PGCKA1: variants seen among roughly 807,000 people sequenced by gnomAD.
PGCKA1 encodes the protein PDCD10 and GCKIII kinases associated 1.
At chr4:37,503,207 C>T in the PGCKA1 span, among the ~76,000 whole-genome samples, 346 of 152,306 alleles carry the variant, frequency 2.3e-3, 2 homozygotes, top group Middle Eastern at 0.014. Context: ...GCAGATTGCT[C>T]CTTGCCAGTT....
At chr4:37,580,484 A>G in the PGCKA1 span, among the ~76,000 whole-genome samples, 1 of 152,186 alleles carries the variant, frequency 6.6e-6, no homozygotes. Context: ...TATCTACATT[A>G]GAGGCACCCC....
chr4:37,535,084 C>T, the PGCKA1 span, among the ~76,000 whole-genome samples: 1 of 152,170 alleles, frequency 6.6e-6, no homozygotes, highest in African/African-American at 2.4e-5. Context: ...CAGCTAGAGG[C>T]ATCCAGGGTA....
chr4:37,562,253 C>G, the PGCKA1 span, among the ~76,000 whole-genome samples: 1 of 152,148 alleles, frequency 6.6e-6, no homozygotes, highest in Non-Finnish European at 1.5e-5. Flanking sequence ...TTCACAAATA[C>G]AGAATCCACA....
chr4:37,493,950 CA>C, the PGCKA1 span, among the ~76,000 whole-genome samples: 2 of 152,072 alleles, frequency 1.3e-5, no homozygotes, highest in Non-Finnish European at 2.9e-5. Context: ...GTTTATGTAC[CA>C]CATTTTCTTT....
chr4:37,570,146 A>ATTTTTTTTT, the PGCKA1 span, among the ~76,000 whole-genome samples: 475 of 78,926 alleles, frequency 6.0e-3, no homozygotes, highest in Middle Eastern at 0.024. Flanking sequence ...CGCCTGGCTA[A>ATTTTTTTTT]TTTTTTTTTT....
At chr4:37,495,953 T>A in the PGCKA1 span, among the ~76,000 whole-genome samples, 1 of 152,204 alleles carries the variant, frequency 6.6e-6, no homozygotes, top group Non-Finnish European at 1.5e-5. Context: ...TCCTTATAGA[T>A]GCTGAATGTT....
At chr4:37,574,275 T>A in the PGCKA1 span, among the ~76,000 whole-genome samples, 2 of 152,336 alleles carry the variant, frequency 1.3e-5, no homozygotes, top group South Asian at 4.1e-4. Context: ...TTAATCAAGT[T>A]GAACATATTT....
At chr4:37,463,610 A>G in the PGCKA1 span, among the ~76,000 whole-genome samples, 1 of 152,192 alleles carries the variant, frequency 6.6e-6, no homozygotes, top group South Asian at 2.1e-4. Flanking sequence ...GTTGGAAGAT[A>G]AAACACAAGT....
At chr4:37,567,717 G>A in the PGCKA1 span, among the ~76,000 whole-genome samples, 1 of 151,936 alleles carries the variant, frequency 6.6e-6, no homozygotes, top group Non-Finnish European at 1.5e-5. Flanking sequence ...GGAGCACCCG[G>A]GTGCCATCAT....
At chr4:37,483,212 C>T in the PGCKA1 span, among the ~76,000 whole-genome samples, 1 of 152,128 alleles carries the variant, frequency 6.6e-6, no homozygotes, top group Non-Finnish European at 1.5e-5. Flanking sequence ...GACAAGTTTG[C>T]TTCCCCTTCT....
the PGCKA1 span, among the ~76,000 whole-genome samples, chr4:37,542,712 T>C: frequency 3.0e-4 from 45 of 152,324 alleles, 1 homozygote; most frequent in African/African-American, 8.7e-4. Context: ...GGTAGCCATA[T>C]GTCGTTAGTA....
the PGCKA1 span, among the ~76,000 whole-genome samples, chr4:37,524,209 T>G: frequency 6.6e-6 from 1 of 152,270 alleles, no homozygotes; most frequent in Non-Finnish European, 1.5e-5. Flanking sequence ...CTGTATAATC[T>G]GTATAAGTTA....
At chr4:37,469,055 A>G in the PGCKA1 span, among the ~76,000 whole-genome samples, 1 of 152,106 alleles carries the variant, frequency 6.6e-6, no homozygotes, top group African/African-American at 2.4e-5. Flanking sequence ...TACATTTACT[A>G]TGTTTAGATA....
the PGCKA1 span, among the ~76,000 whole-genome samples, chr4:37,485,234 C>G: frequency 5.3e-5 from 8 of 152,234 alleles, no homozygotes; most frequent in African/African-American, 1.9e-4. Flanking sequence ...AAGGAAGGTG[C>G]TATGGTTTGC....
At chr4:37,453,302 A>T in the PGCKA1 span, among the ~76,000 whole-genome samples, 3 of 152,112 alleles carry the variant, frequency 2.0e-5, no homozygotes, top group Non-Finnish European at 4.4e-5. Context: ...AGGAAAAGAA[A>T]GGGATGGAGG....
chr4:37,461,753 C>T, the PGCKA1 span, among the ~76,000 whole-genome samples: 1 of 151,954 alleles, frequency 6.6e-6, no homozygotes, highest in African/African-American at 2.4e-5. Context: ...CTGAGGCTGG[C>T]CTGGCAGCAG....
At chr4:37,501,181 T>C in the PGCKA1 span, among the ~76,000 whole-genome samples, 1 of 151,966 alleles carries the variant, frequency 6.6e-6, no homozygotes. Flanking sequence ...TATTATGTGA[T>C]TTGTTTGTGT....
At chr4:37,526,177 G>A in the PGCKA1 span, among the ~76,000 whole-genome samples, 1 of 152,182 alleles carries the variant, frequency 6.6e-6, no homozygotes, top group East Asian at 1.9e-4. Flanking sequence ...ATCTTGTTTT[G>A]TGCTTTAGTT....
chr4:37,476,418 A>G, the PGCKA1 span, among the ~76,000 whole-genome samples: 7 of 152,190 alleles, frequency 4.6e-5, no homozygotes, highest in South Asian at 4.1e-4. Context: ...ATCCAAAGCC[A>G]TATCCCTTCA....
Sources: gnomAD v4.1 joint callset for allele counts (sites outside exome capture counted in the v4.1 genomes callset) on GRCh38, gnomAD v4.1.1 for gene constraint, MANE v1.5 for transcripts, NCBI Gene and HGNC (gene_info 2026-07-23, HGNC 2026-07-21) for gene names.